Variants in GRIA2 observed in about 807,000 individuals in gnomAD.
GRIA2 encodes glutamate receptor 2.
Under a neutral mutation model 97.3 loss-of-function variants are expected in GRIA2, and 14 were observed. The ratio of observed to expected loss-of-function variants is 0.14; its 90% CI spans 0.10 to 0.23. The LOEUF (loss-of-function observed/expected upper bound fraction) is 0.23. Ranked by LOEUF, GRIA2 falls within the 10% of genes least tolerant of loss-of-function variation. The pLI, the probability that GRIA2 is intolerant of heterozygous loss-of-function variation, is 1.00. For synonymous variants in GRIA2, 412 were observed against 387.8 expected, an observed-to-expected ratio of 1.06 and a Z score of -0.73; for missense variants, 558 against 1,069.8, an observed-to-expected ratio of 0.52 and a Z score of 6.67.
At chr4:157,238,852 CATT>C (rs1328281102) in intron 2 of GRIA2, among the ~76,000 whole-genome samples, 5 of 152,084 alleles carry the variant, frequency 3.3e-5, no homozygotes, top group Non-Finnish European at 5.9e-5. Context: ...CCCTGTGCAT[CATT>C]GTTACAATTT....
intron 6 of GRIA2, among the ~76,000 whole-genome samples, chr4:157,332,138 A>C (rs997538464): frequency 6.6e-6 from 1 of 152,070 alleles, no homozygotes; most frequent in African/African-American, 2.4e-5. Context: ...TGCCTTGTAC[A>C]CATGTACCTA....
At chr4:157,265,810 A>C (rs1282542278) in intron 2 of GRIA2, among the ~76,000 whole-genome samples, 1 of 152,136 alleles carries the variant, frequency 6.6e-6, no homozygotes, top group Non-Finnish European at 1.5e-5. Flanking sequence ...CTAAAATGAC[A>C]ACAATAGAAA....
chr4:157,341,204 C>A, intron 11 of GRIA2, 60 bp from the exon 12 acceptor site: 1 of 1,127,226 alleles, frequency 8.9e-7, no homozygotes, highest in South Asian at 1.2e-5. Flanking sequence ...ATACTGCTAA[C>A]TTGTTTTTTT....
At chr4:157,265,035 A>C (rs1469750224) in intron 2 of GRIA2, among the ~76,000 whole-genome samples, 1 of 152,126 alleles carries the variant, frequency 6.6e-6, no homozygotes, top group African/African-American at 2.4e-5. Flanking sequence ...TTAAACCATG[A>C]AGTGTTGTCT....
intron 2 of GRIA2, among the ~76,000 whole-genome samples, chr4:157,257,437 A>G (rs1170739094): frequency 6.6e-6 from 1 of 152,114 alleles, no homozygotes; most frequent in Non-Finnish European, 1.5e-5. Context: ...ACTGCTTACA[A>G]AGATCAATGA....
At chr4:157,344,517 T>C (rs1361881260) in intron 12 of GRIA2, among the ~76,000 whole-genome samples, 1 of 152,132 alleles carries the variant, frequency 6.6e-6, no homozygotes, top group Non-Finnish European at 1.5e-5. Flanking sequence ...TGCCCATTCA[T>C]TATGCTTACT....
intron 2 of GRIA2, among the ~76,000 whole-genome samples, chr4:157,280,892 G>A (rs182238463): frequency 1.3e-5 from 2 of 151,898 alleles, no homozygotes. Flanking sequence ...CTGTCCTCTG[G>A]CCCTGATGAT....
chr4:157,276,222 C>T (rs925738284), intron 2 of GRIA2, among the ~76,000 whole-genome samples: 2 of 151,892 alleles, frequency 1.3e-5, no homozygotes, highest in African/African-American at 4.8e-5. Flanking sequence ...AAAGTAAAAA[C>T]CAATAACAGA....
chr4:157,220,375 G>C (rs1338550546), upstream of GRIA2: 3 of 152,208 alleles, frequency 2.0e-5, no homozygotes, highest in East Asian at 1.9e-4. Flanking sequence ...AGGTAGCTCC[G>C]GGCGGGGAGC....
intron 6 of GRIA2, among the ~76,000 whole-genome samples, chr4:157,329,771 A>G (rs1467781938): frequency 6.6e-6 from 1 of 151,942 alleles, no homozygotes; most frequent in Admixed American, 6.6e-5. Flanking sequence ...CATTTATTTG[A>G]TACAGTATTT....
At chr4:157,263,883 T>C (rs1013931386) in intron 2 of GRIA2, among the ~76,000 whole-genome samples, 1 of 152,126 alleles carries the variant, frequency 6.6e-6, no homozygotes, top group Non-Finnish European at 1.5e-5. Flanking sequence ...ATCCTTGAAT[T>C]ATTACAATTA....
chr4:157,222,288 G>T (rs1402537713), intron 2 of GRIA2, among the ~76,000 whole-genome samples: 1 of 152,164 alleles, frequency 6.6e-6, no homozygotes, highest in Non-Finnish European at 1.5e-5. Flanking sequence ...GCTCTCGCCC[G>T]CTGCCCCCAG....
intron 12 of GRIA2, among the ~76,000 whole-genome samples, chr4:157,345,933 C>A (rs960883788): frequency 2.6e-5 from 4 of 152,050 alleles, no homozygotes; most frequent in Admixed American, 6.6e-5. Flanking sequence ...GATAATAAAC[C>A]ATGAGACTCT....
At position 157,332,992 on chromosome 4, in the gene GRIA2, T is replaced by C; in HGVS notation, c.1050+6T>C. ...TAGAAAGGGCCCTCAAACAGGTCAG[T>C]TACTCAAAATAATCGTTAACGTGAC... On this transcript the variant is annotated splice_donor_region_variant and intron_variant, in intron 7 of 15. Coordinates refer to ENST00000264426, the MANE Select transcript of GRIA2 (RefSeq NM_001083619.3). 1 of 1,588,652 alleles carries C rather than the reference T, an allele frequency of 6.3e-7. No individual in the cohort carries two copies. The highest frequency in any genetic ancestry group is 8.6e-7 in the Non-Finnish European group (1 of 1,168,336).
At chr4:157,330,842 C>T (rs1199430439) in intron 6 of GRIA2, among the ~76,000 whole-genome samples, 1 of 151,894 alleles carries the variant, frequency 6.6e-6, no homozygotes, top group Non-Finnish European at 1.5e-5. Context: ...ATTTCCAACT[C>T]AGCTGAGGGA....
intron 2 of GRIA2, among the ~76,000 whole-genome samples, chr4:157,229,783 G>A (rs1371760146): frequency 6.6e-6 from 1 of 151,886 alleles, no homozygotes; most frequent in East Asian, 1.9e-4. Context: ...TTATTTCTAT[G>A]AAGTTTATTT....
intron 3 of GRIA2, among the ~76,000 whole-genome samples, chr4:157,311,682 C>T (rs1177106520): frequency 6.6e-6 from 1 of 151,846 alleles, no homozygotes; most frequent in Admixed American, 6.6e-5. Context: ...AAGATGCAGG[C>T]TTTTCTAGAA....
chr4:157,308,843 A>G (rs1243987121), intron 3 of GRIA2, among the ~76,000 whole-genome samples: 2 of 152,202 alleles, frequency 1.3e-5, no homozygotes, highest in Non-Finnish European at 2.9e-5. Context: ...AATCTGTGTT[A>G]TGTTTGAAGA....
intron 6 of GRIA2, among the ~76,000 whole-genome samples, chr4:157,323,155 G>A (rs576981346): frequency 6.6e-6 from 1 of 151,732 alleles, no homozygotes; most frequent in Admixed American, 6.6e-5. Context: ...ATAACACGGT[G>A]AAACCCCGTC....
Sources: allele counts gnomAD v4.1 joint callset (sites outside exome capture counted in the v4.1 genomes callset), GRCh38; gene constraint gnomAD v4.1.1; transcripts MANE v1.5; gene names NCBI Gene and HGNC (gene_info 2026-07-23, HGNC 2026-07-21).